The following TCF7L2 variants were observed in gnomAD, a reference collection of about 807,000 sequenced individuals.
The protein encoded by TCF7L2 is transcription factor 7 like 2, also known as transcription factor 7-like 2.
A neutral mutation model predicts 77.9 loss-of-function variants in TCF7L2; 23 were observed. The ratio of observed to expected loss-of-function variants is 0.30; its 90% CI spans 0.21 to 0.42. TCF7L2 has a LOEUF of 0.42. Ranked by LOEUF, TCF7L2 falls within the 10% of genes least tolerant of loss-of-function variation. The pLI, the probability that TCF7L2 is intolerant of heterozygous loss-of-function variation, is 1.00. For synonymous variants in TCF7L2, 413 were observed against 340.2 expected (o/e 1.21, Z -2.36); for missense variants, 654 against 793.1 (o/e 0.82, Z 2.11).
At chr10:113,054,652 T>C (rs1244855666) in intron 5 of TCF7L2, among the ~76,000 whole-genome samples, 1 of 152,180 alleles carries the variant, frequency 6.6e-6, no homozygotes, top group Non-Finnish European at 1.5e-5. Context: ...AAATAACAAT[T>C]ACTAATCTTT....
chr10:113,095,844 C>T (rs1430819360), intron 5 of TCF7L2, among the ~76,000 whole-genome samples: 1 of 152,190 alleles, frequency 6.6e-6, no homozygotes, highest in East Asian at 1.9e-4. Context: ...CCACTTGACA[C>T]CCCCCAGGGT....
At chr10:113,120,140 A>G (rs1368270131) in intron 5 of TCF7L2, among the ~76,000 whole-genome samples, 1 of 152,222 alleles carries the variant, frequency 6.6e-6, no homozygotes, top group African/African-American at 2.4e-5. Context: ...CGTGATTTGC[A>G]TGCCAAGTGG....
intron 4 of TCF7L2, among the ~76,000 whole-genome samples, chr10:113,039,630 A>T (rs900723043): frequency 1.3e-5 from 2 of 152,124 alleles, no homozygotes; most frequent in African/African-American, 4.8e-5. Context: ...TTCCTAGGAC[A>T]CTTCTGGCTT....
intron 5 of TCF7L2, among the ~76,000 whole-genome samples, chr10:113,140,349 C>G (rs2068129294): frequency 6.6e-6 from 1 of 152,130 alleles, no homozygotes; most frequent in African/African-American, 2.4e-5. Flanking sequence ...TCCCCCCACC[C>G]TGCCCTCTGC....
intron 5 of TCF7L2, among the ~76,000 whole-genome samples, chr10:113,116,545 T>C (rs1378780019): frequency 6.6e-6 from 1 of 152,202 alleles, no homozygotes; most frequent in Non-Finnish European, 1.5e-5. Flanking sequence ...GAAATGAAAG[T>C]ACAGATTAAG....
chr10:113,118,654 GTT>G (rs56402955), intron 5 of TCF7L2, among the ~76,000 whole-genome samples: 21 of 127,934 alleles, frequency 1.6e-4, no homozygotes, highest in African/African-American at 5.5e-4. Context: ...TTTTTTTTTT[GTT>G]TTTTTTTGTT....
chr10:113,154,654 C>T (rs775534632), intron 11 of TCF7L2, among the ~76,000 whole-genome samples: 3 of 152,048 alleles, frequency 2.0e-5, no homozygotes, highest in East Asian at 3.9e-4. Context: ...AAGTATTGCT[C>T]GAGGCTTTTT....
At chr10:113,140,918 A>G (rs2068254556) in intron 5 of TCF7L2, among the ~76,000 whole-genome samples, 1 of 152,198 alleles carries the variant, frequency 6.6e-6, no homozygotes, top group Admixed American at 6.5e-5. Context: ...CTTGGGCTCC[A>G]TAATGGGGTA....
intron 5 of TCF7L2, among the ~76,000 whole-genome samples, chr10:113,124,385 C>A (rs1303560192): frequency 1.3e-5 from 2 of 152,098 alleles, no homozygotes; most frequent in African/African-American, 4.8e-5. Context: ...GCCATTACAG[C>A]TTTACCTAGA....
rs529313950 is a variant in TCF7L2, at chr10:113,023,482, T to A, written c.451-16543T>A. 6.2e-4 allele frequency among the ~76,000 whole-genome samples: 94 copies of A among 152,254 alleles called. 1 individual carries two copies. Among genetic ancestry groups the A allele is most frequent in the Admixed American group, 1.7e-3 (26 of 15,288 alleles). On this transcript the variant is annotated intron_variant, in intron 4 of 13. Coordinates refer to ENST00000627217, the MANE Select transcript of TCF7L2 (RefSeq NM_001146274.2). ...TGAATGAACTGTTTCTTTTTCTTTTTATTTTTTGAGATGGAGTCTCCCTCT... is the reference window on the plus strand; with the variant it reads ...TGAATGAACTGTTTCTTTTTCTTTTAATTTTTTGAGATGGAGTCTCCCTCT...
chr10:112,995,850 G>A (rs1455706526), intron 4 of TCF7L2, among the ~76,000 whole-genome samples: 1 of 152,064 alleles, frequency 6.6e-6, no homozygotes, highest in Non-Finnish European at 1.5e-5. Context: ...TGAGGGTAGG[G>A]AGCATCTGTC....
At chr10:113,070,544 C>T (rs2135194320) in intron 5 of TCF7L2, among the ~76,000 whole-genome samples, 1 of 152,176 alleles carries the variant, frequency 6.6e-6, no homozygotes. Context: ...CATCATGTGC[C>T]AGGCACTGTG....
At chr10:113,022,021 A>C (rs756402222) in intron 4 of TCF7L2, among the ~76,000 whole-genome samples, 13 of 152,176 alleles carry the variant, frequency 8.5e-5, no homozygotes, top group Non-Finnish European at 1.9e-4. Flanking sequence ...GCTATGTTTT[A>C]AATCTTATTG....
At chr10:113,109,436 G>C (rs2062839125) in intron 5 of TCF7L2, among the ~76,000 whole-genome samples, 1 of 152,120 alleles carries the variant, frequency 6.6e-6, no homozygotes, top group Non-Finnish European at 1.5e-5. Flanking sequence ...CTGTCGCCCA[G>C]GCTGGAGTGC....
At chr10:112,998,101 C>CTT (rs751249543) in intron 4 of TCF7L2, among the ~76,000 whole-genome samples, 12 of 140,104 alleles carry the variant, frequency 8.6e-5, no homozygotes, top group African/African-American at 1.6e-4. Context: ...TCTGGTCCTA[C>CTT]TTTTTTTTTT....
chr10:112,959,809 G>A (rs977916973), intron 3 of TCF7L2, among the ~76,000 whole-genome samples: 18 of 152,288 alleles, frequency 1.2e-4, no homozygotes, highest in African/African-American at 4.1e-4. Flanking sequence ...ATAATGGCCT[G>A]TGGTTGCTCA....
At chr10:113,123,975 A>T (rs1359378175) in intron 5 of TCF7L2, among the ~76,000 whole-genome samples, 1 of 152,204 alleles carries the variant, frequency 6.6e-6, no homozygotes, top group African/African-American at 2.4e-5. Flanking sequence ...TTGGGGCAAG[A>T]TAGGATGTTT....
rs1254773231 is a variant in TCF7L2 at position 113,040,033 on chromosome 10, G to C, written c.459G>C (p.Gln153His). 6.2e-7 allele frequency: 1 copy of C among 1,613,436 alleles called. No homozygotes were observed. The highest frequency in any genetic ancestry group is 8.5e-7 in the Non-Finnish European group (1 of 1,179,748). ...TTGTTTCCTCTCGCCAGTATCTCCAGATGAAATGGCCACTGCTTGATGTCC... is the reference window on the plus strand; with the variant it reads ...TTGTTTCCTCTCGCCAGTATCTCCACATGAAATGGCCACTGCTTGATGTCC... Residue 153 changes from glutamine to histidine, a missense_variant, in exon 5 of 14, where the codon CAG becomes CAC. Gln to His is a conservative substitution (Grantham distance 24). Around this residue, in one of 6 missense-constraint regions of TCF7L2, gnomAD observed 179 missense variants for 270.6 expected, o/e 0.66. Transcript: ENST00000627217.
chr10:113,151,595 TA>T lies in TCF7L2; in HGVS notation c.1002-126del. 8.2e-7 allele frequency: 1 copy of T among 1,222,866 alleles called. No homozygotes were observed. 75.8% of individuals were successfully genotyped at this position (1,222,866 alleles called of 1,614,324 possible). A position where few individuals can be genotyped will look rare whatever the true frequency, so the allele number is the denominator to read the frequency against. On this transcript the variant is annotated intron_variant, in intron 9 of 13. Transcript: ENST00000627217. The surrounding 1 kb of genome is among the most constrained non-coding windows in gnomAD (Gnocchi z 5.2). Reference sequence around the variant, plus strand: ...TCCATTTTCCGGGGTGCAGAAGAACTAAAAGCATGCTTTTTAATCCAAAACT... The same window carrying T: ...TCCATTTTCCGGGGTGCAGAAGAACTAAAGCATGCTTTTTAATCCAAAACT...
Sources: gnomAD v4.1 joint callset for allele counts (sites outside exome capture counted in the v4.1 genomes callset) on GRCh38, gnomAD v4.1.1 for gene constraint, gnomAD v4.1.1 regional missense constraint, Gnocchi (gnomAD v3.1) non-coding constraint, MANE v1.5 for transcripts, NCBI Gene and HGNC (gene_info 2026-07-23, HGNC 2026-07-21) for gene names.